Variants in THAP7 observed in about 807,000 individuals in gnomAD.
THAP7 encodes THAP domain-containing protein 7.
THAP7 carries 22 observed loss-of-function variants against 29.2 expected under a neutral mutation model. The ratio of observed to expected loss-of-function variants is 0.75; its 90% CI spans 0.54 to 1.08. THAP7 has a LOEUF of 1.08. Among genes scored for constraint, THAP7 ranks in the 50% least tolerant of loss-of-function variants. THAP7 has a pLI of 0.00. For missense variants in THAP7, 448 were observed against 416.2 expected, an observed-to-expected ratio of 1.08 and a Z score of -0.66; for synonymous variants, 208 against 173.4, an observed-to-expected ratio of 1.20 and a Z score of -1.57.
rs6005197 is a variant in THAP7, at chr22:20,999,321, C to T, written c.*559G>A. On this transcript the variant is annotated 3_prime_UTR_variant, in exon 4 of 4. Coordinates refer to ENST00000215742, the MANE Select transcript of THAP7 (RefSeq NM_030573.3). ...CCAGGAGGTTGATGATTGTCATCATCATCCCCGTTTTTCAAATAGAGATGG... is the reference window on the plus strand; with the variant it reads ...CCAGGAGGTTGATGATTGTCATCATTATCCCCGTTTTTCAAATAGAGATGG... 0.11 allele frequency: 16,193 copies of T among 152,914 alleles called. 959 individuals are homozygous for T. The highest frequency in any genetic ancestry group is 0.14 in the South Asian group (684 of 4,836). The allele number at this position is 152,914 out of a possible 1,614,324, so 9.5% of individuals were successfully genotyped here. A position where few individuals can be genotyped will look rare whatever the true frequency, so the allele number is the denominator to read the frequency against.
At chr22:21,000,615 G>A (rs1201027591) in intron 3 of THAP7, 32 bp downstream of exon 3, 4 of 1,613,472 alleles carry the variant, frequency 2.5e-6, no homozygotes, top group East Asian at 2.2e-5. Context: ...CCTAGGGGTG[G>A]GAGTGGGGCA....
chr22:21,001,267 C>T lies in THAP7; in HGVS notation c.225G>A (p.Leu75=). The change falls in exon 2 of 4, where the codon CTG becomes CTA. Residue 75 remains leucine, a synonymous_variant. Coordinates refer to ENST00000215742, the MANE Select transcript of THAP7 (RefSeq NM_030573.3). ...SKHFEEDCFE[L]VGISGYHRLK... ...GCAGGGAGGCCCACCTGATTCCCAC[C>T]AGCTCAAAGCAGTCCTCCTCAAAGT... 1.9e-6 allele frequency: 3 copies of T among 1,613,434 alleles called. No individual in the cohort carries two copies.
chr22:21,001,195 C>CT, intron 2 of THAP7, 61 bp downstream of exon 2: 4 of 1,594,460 alleles, frequency 2.5e-6, no homozygotes, highest in Non-Finnish European at 2.6e-6. Context: ...TGACCTGCAG[C>CT]TGTCCCAGTC....
intron 2 of THAP7, 67 bp downstream of exon 2, chr22:21,001,189 C>G (rs1473896072): frequency 6.3e-7 from 1 of 1,590,334 alleles, no homozygotes; most frequent in Non-Finnish European, 8.6e-7. Context: ...CTTCCATGAC[C>G]TGCAGCTGTC....
At chr22:21,001,630 G>A (rs1263010820) in intron 1 of THAP7, 15 of 879,664 alleles carry the variant, frequency 1.7e-5, no homozygotes, top group Admixed American at 5.9e-5. Flanking sequence ...ACAGAGTGGG[G>A]CGGGTCCAAG....
At chr22:21,001,474 C>G in intron 1 of THAP7, 63 bp from the exon 2 acceptor site, 1 of 1,578,772 alleles carries the variant, frequency 6.3e-7, no homozygotes, top group Non-Finnish European at 8.6e-7. Flanking sequence ...GCTGCCCAAG[C>G]ACCCCAGAGG....
chr22:20,999,960 G>A lies in THAP7; in HGVS notation c.850C>T (p.Arg284Trp), dbSNP rs1878209689. ...KLQQERAREK[R>W]AQADARQTLK... is the part of the protein sequence containing the mutation. ...GTCTGGCGGGCATCTGCCTGTGCCCGCTTCTCCCGTGCCCGCTCCTGCTGC... is the reference window on the plus strand; with the variant it reads ...GTCTGGCGGGCATCTGCCTGTGCCCACTTCTCCCGTGCCCGCTCCTGCTGC... Residue 284 changes from arginine to tryptophan, a missense_variant, in exon 4 of 4, where the codon CGG becomes TGG. Arg to Trp is a moderately radical substitution (Grantham distance 101). Transcript: ENST00000215742. 6 of 1,612,580 alleles carry A rather than the reference G, an allele frequency of 3.7e-6. No homozygotes were observed. Among genetic ancestry groups the A allele is most frequent in the East Asian group, 2.2e-5 (1 of 44,878 alleles).
chr22:21,001,725 A>G, intron 1 of THAP7, 107 bp downstream of exon 1: 1 of 1,244,086 alleles, frequency 8.0e-7, no homozygotes, highest in Non-Finnish European at 1.1e-6. Flanking sequence ...CACAGGTTCA[A>G]GCCTCCTCAG....
rs1437475114 is a variant in THAP7 at position 21,000,017 on chromosome 22, C to T, written c.793G>A (p.Glu265Lys). The change falls in exon 4 of 4, where the codon GAG becomes AAG. Residue 265 changes from glutamate (E) to lysine (K), a missense_variant. By Grantham distance (56) the Glu-to-Lys change is moderately conservative. Coordinates refer to ENST00000215742, the MANE Select transcript of THAP7 (RefSeq NM_030573.3). Reference protein sequence around the residue: ...QRQLQACKRREQRLRLRLTKL... With the variant: ...QRQLQACKRRKQRLRLRLTKL... ...GTCAGTCTCAACCGCAGCCGCTGCT[C>T]CCGCCGCTTGCAGGCCTGCAGCTGG... 2 of 1,612,832 alleles carry T rather than the reference C, an allele frequency of 1.2e-6. No homozygotes were observed. Among genetic ancestry groups the T allele is most frequent in the Non-Finnish European group, 8.5e-7 (1 of 1,179,934 alleles).
chr22:21,001,897 G>A lies in THAP7; in HGVS notation c.15C>T (p.Cys5=). The change falls in exon 1 of 4, where the codon TGC becomes TGT. Residue 5 remains cysteine, a synonymous_variant. Transcript: ENST00000215742. The stretch of plus-strand genomic sequence containing the variant: ...CCCGTGTGCAGCAGCCGGCGGCGGA[G>A]CAGTGACGCGGCATCTGGGAAAGAG... MPRH[C]SAAGCCTRDT... The A allele has an allele frequency of 3.2e-6, 5 of 1,570,808 alleles. No individual in the cohort carries two copies. The highest frequency in any genetic ancestry group is 1.2e-5 in the South Asian group (1 of 85,518).
chr22:21,001,240 C>G lies in THAP7; in HGVS notation c.236+16G>C. The G allele has an allele frequency of 6.2e-7, 1 of 1,609,148 alleles. No individual in the cohort carries two copies. Among genetic ancestry groups the G allele is most frequent in the Non-Finnish European group, 8.5e-7 (1 of 1,176,194 alleles). ...CCCCACATCCTACCCCAGCGTCGGC[C>G]GGCAGGGAGGCCCACCTGATTCCCA... is the stretch of plus-strand genomic sequence containing the variant. On this transcript the variant is annotated intron_variant, in intron 2 of 3. Transcript: ENST00000215742.
rs752818661 is a variant in THAP7 at position 21,000,030 on chromosome 22, G to A, written c.780C>T (p.Ala260=). 6.2e-6 allele frequency: 10 copies of A among 1,612,854 alleles called. No homozygotes were observed. The highest frequency in any genetic ancestry group is 1.6e-4 in the Middle Eastern group (1 of 6,084). The change falls in exon 4 of 4, where the codon GCC becomes GCT. Residue 260 remains alanine (A), a synonymous_variant. Coordinates refer to ENST00000215742, the MANE Select transcript of THAP7 (RefSeq NM_030573.3). ...GCAGCCGCTGCTCCCGCCGCTTGCA[G>A]GCCTGCAGCTGGCGCTGGGCCTTGT... The part of the protein sequence containing the change: ...ALDKAQRQLQ[A]CKRREQRLRL...
At chr22:21,000,903 G>A (rs747511338) in intron 2 of THAP7, 116 bp from the exon 3 acceptor site, 2 of 1,497,668 alleles carry the variant, frequency 1.3e-6, no homozygotes, top group Non-Finnish European at 1.8e-6. Context: ...CAATACGTCT[G>A]GGGAACGCCA....
Position 21,000,421 on chromosome 22 carries a change from CCCTCGGA to C in THAP7, c.382_388del (p.Ser128AlafsTer141). On this transcript the variant is annotated frameshift_variant, in exon 4 of 4. Coordinates refer to ENST00000215742, the MANE Select transcript of THAP7 (RefSeq NM_030573.3). LOFTEE classifies it high-confidence loss of function. ...AGAAAATGGAGTTGTGGGCCCTCGG[CCCTCGGA>C]GCAGCTGGTAAGGGGGAAGAGAGAG... 6.4e-7 allele frequency: 1 copy of C among 1,551,214 alleles called. No homozygotes were observed. The highest frequency in any genetic ancestry group is 1.2e-5 in the South Asian group (1 of 84,698).
At chr22:21,001,773 C>A (rs543596060) in intron 1 of THAP7, 59 bp downstream of exon 1, 1 of 1,511,024 alleles carries the variant, frequency 6.6e-7, no homozygotes, top group Non-Finnish European at 8.9e-7. Flanking sequence ...GCAGTTGCGA[C>A]CCGAGGCGAG....
At chr22:21,000,992 G>A (rs1925132175) in intron 2 of THAP7, 1 of 893,192 alleles carries the variant, frequency 1.1e-6, no homozygotes, top group Non-Finnish European at 1.7e-6. Flanking sequence ...AGCCGAGCTG[G>A]GCTGACCAGC....
Position 20,999,799 on chromosome 22 carries a change from C to A in THAP7, c.*81G>T. ...CCGTCTAGAATCCGCTTTATTATGG[C>A]ACCTGGTGGGTCTGGTGGGATCTGA... On this transcript the variant is annotated 3_prime_UTR_variant, in exon 4 of 4. Transcript: ENST00000215742. The A allele has an allele frequency of 6.7e-7, 1 of 1,482,012 alleles. No individual in the cohort carries two copies. 91.8% of individuals were successfully genotyped at this position (1,482,012 alleles called of 1,614,324 possible). A position where few individuals can be genotyped will look rare whatever the true frequency, so the allele number is the denominator to read the frequency against.
At chr22:21,000,522 C>A in intron 3 of THAP7, 90 bp from the exon 4 acceptor site, 2 of 1,566,198 alleles carry the variant, frequency 1.3e-6, no homozygotes, top group Non-Finnish European at 1.7e-6. Flanking sequence ...CCTTAACACC[C>A]AAACCCGATC....
chr22:21,001,687 C>T (rs1322401588), intron 1 of THAP7, 145 bp downstream of exon 1: 1 of 1,025,846 alleles, frequency 9.7e-7, no homozygotes, highest in South Asian at 1.7e-5. Flanking sequence ...TTCAGTCCCG[C>T]CGGGACCGTT....
Sources: allele counts gnomAD v4.1 joint callset, GRCh38; gene constraint gnomAD v4.1.1; transcripts MANE v1.5; gene names NCBI Gene and HGNC (gene_info 2026-07-23, HGNC 2026-07-21).